The following CSGALNACT1 variants were observed in gnomAD, a reference collection of about 807,000 sequenced individuals.
CSGALNACT1 encodes chondroitin sulfate N-acetylgalactosaminyltransferase 1, also known as beta4GalNAcT-1.
In CSGALNACT1, 52 loss-of-function variants were observed where a neutral mutation model predicts 51.0. The observed-to-expected ratio is 1.02, with a 90% CI of 0.82 to 1.29. The LOEUF (loss-of-function observed/expected upper bound fraction) is 1.29, where lower values mean the gene tolerates loss of function less well. Ranked by LOEUF, CSGALNACT1 falls within the 50% of genes most tolerant of loss-of-function variation. The pLI is 0.00. For missense variants in CSGALNACT1, 935 were observed against 679.2 expected, an observed-to-expected ratio of 1.38 and a Z score of -4.19; for synonymous variants, 341 against 254.4, an observed-to-expected ratio of 1.34 and a Z score of -3.24.
intron 1 of CSGALNACT1, among the ~76,000 whole-genome samples, chr8:19,753,117 C>T (rs2065143332): frequency 6.6e-6 from 1 of 152,212 alleles, no homozygotes; most frequent in Admixed American, 6.5e-5. Context: ...AGGGAGACAC[C>T]ATGGCCTTTG....
chr8:19,505,615 T>C, exon 4 of CSGALNACT1: 1 of 1,614,158 alleles, frequency 6.2e-7, no homozygotes. Context: ...CGCTTCAGGC[T>C]GCTCACGTAG....
chr8:19,650,096 C>T (rs1231164583), intron 1 of CSGALNACT1, among the ~76,000 whole-genome samples: 9 of 152,102 alleles, frequency 5.9e-5, no homozygotes, highest in Admixed American at 2.0e-4. Context: ...CTTGTTAAAA[C>T]GATTCAGTTG....
chr8:19,593,644 T>A (rs563307314), intron 2 of CSGALNACT1, among the ~76,000 whole-genome samples: 1 of 152,208 alleles, frequency 6.6e-6, no homozygotes, highest in Non-Finnish European at 1.5e-5. Flanking sequence ...ATGAATAACA[T>A]CAGGAAGGGT....
At chr8:19,475,795 G>C (rs981305472) in intron 4 of CSGALNACT1, among the ~76,000 whole-genome samples, 2 of 152,192 alleles carry the variant, frequency 1.3e-5, no homozygotes, top group African/African-American at 2.4e-5. Context: ...AAGTCATAGA[G>C]TGACAGCTCA....
At chr8:19,600,621 G>C (rs1435618041) in intron 2 of CSGALNACT1, among the ~76,000 whole-genome samples, 3 of 152,100 alleles carry the variant, frequency 2.0e-5, no homozygotes, top group African/African-American at 4.8e-5. Flanking sequence ...GGATTTGGGA[G>C]GAATTCTCCT....
chr8:19,590,432 G>T (rs1011146876), intron 3 of CSGALNACT1, among the ~76,000 whole-genome samples: 1 of 152,126 alleles, frequency 6.6e-6, no homozygotes, highest in South Asian at 2.1e-4. Context: ...TTTCTGTAAT[G>T]AATGCAATTG....
intron 1 of CSGALNACT1, among the ~76,000 whole-genome samples, chr8:19,711,407 T>A (rs1366063708): frequency 6.6e-6 from 1 of 152,100 alleles, no homozygotes. Context: ...TTTAAGACAA[T>A]TCACTTTGGT....
At chr8:19,533,670 T>C (rs1325852375) in intron 3 of CSGALNACT1, among the ~76,000 whole-genome samples, 2 of 152,184 alleles carry the variant, frequency 1.3e-5, no homozygotes, top group South Asian at 2.1e-4. Flanking sequence ...GAGCAAGGAA[T>C]GGCTCTTCCT....
intron 2 of CSGALNACT1, among the ~76,000 whole-genome samples, chr8:19,597,285 C>CTTTTTTTTTTTTTTTTTTTTTTTT (rs35177349): frequency 1.5e-5 from 1 of 64,564 alleles, no homozygotes; most frequent in African/African-American, 6.9e-5. Flanking sequence ...TATCTTCTTT[C>CTTTTTTTTTTTTTTTTTTTTTTTT]TTTTTTTTTT....
At chr8:19,717,522 G>C (rs1483998288) in intron 1 of CSGALNACT1, among the ~76,000 whole-genome samples, 1 of 152,202 alleles carries the variant, frequency 6.6e-6, no homozygotes, top group Non-Finnish European at 1.5e-5. Context: ...AATGCAATGA[G>C]TCATGTATCT....
Position 19,695,651 on chromosome 8 carries a change from G to A in CSGALNACT1, c.-297+62199C>T, listed in dbSNP as rs112894140. On this transcript the variant is annotated intron_variant, in intron 1 of 1. Coordinates refer to the CSGALNACT1 transcript ENST00000517494. ...TTTAGAGGCTGTACTGCAGATTGGAGTAGAGATTGTGAATTTAAGAGAAAA... is the reference window on the plus strand; with the variant it reads ...TTTAGAGGCTGTACTGCAGATTGGAATAGAGATTGTGAATTTAAGAGAAAA... Among the ~76,000 whole-genome samples the A allele has an allele frequency of 7.9e-5, 12 of 152,304 alleles. 2 individuals are homozygous for A. The highest frequency in any genetic ancestry group is 2.9e-4 in the African/African-American group (12 of 41,560).
chr8:19,489,277 T>A (rs985922937), intron 4 of CSGALNACT1, among the ~76,000 whole-genome samples: 1 of 152,166 alleles, frequency 6.6e-6, no homozygotes, highest in Non-Finnish European at 1.5e-5. Context: ...TAGGGAAGAA[T>A]GAAATAGTCA....
intron 3 of CSGALNACT1, among the ~76,000 whole-genome samples, chr8:19,522,836 C>G (rs529701360): frequency 2.0e-5 from 3 of 152,214 alleles, no homozygotes; most frequent in Non-Finnish European, 4.4e-5. Context: ...GACACATTCC[C>G]AAGGCTCAAA....
chr8:19,528,422 C>T (rs962614336), intron 3 of CSGALNACT1, among the ~76,000 whole-genome samples: 6 of 152,144 alleles, frequency 3.9e-5, no homozygotes, highest in African/African-American at 1.2e-4. Context: ...AACAAGGCCA[C>T]TCCATAATTT....
chr8:19,499,731 G>A (rs559192870), intron 4 of CSGALNACT1, among the ~76,000 whole-genome samples: 4 of 152,228 alleles, frequency 2.6e-5, no homozygotes, highest in Admixed American at 1.3e-4. Flanking sequence ...CCTCCACCTC[G>A]GAGGTAGGAC....
intron 3 of CSGALNACT1, among the ~76,000 whole-genome samples, chr8:19,527,780 G>T (rs1587860625): frequency 6.6e-6 from 1 of 152,246 alleles, no homozygotes; most frequent in Non-Finnish European, 1.5e-5. Flanking sequence ...TCAAATTTGG[G>T]GAGGAGATTA....
At chr8:19,528,207 A>T (rs1431911345) in intron 3 of CSGALNACT1, among the ~76,000 whole-genome samples, 1 of 151,940 alleles carries the variant, frequency 6.6e-6, no homozygotes, top group African/African-American at 2.4e-5. Flanking sequence ...ATGTTCTCCA[A>T]ATTAGCCAAT....
intron 3 of CSGALNACT1, among the ~76,000 whole-genome samples, chr8:19,554,704 G>C (rs2089245098): frequency 6.6e-6 from 1 of 152,034 alleles, no homozygotes; most frequent in Non-Finnish European, 1.5e-5. Flanking sequence ...AATCACCTGA[G>C]GTCAGGAGTT....
intron 1 of CSGALNACT1, among the ~76,000 whole-genome samples, chr8:19,647,379 T>TG (rs1221797100): frequency 2.0e-5 from 3 of 152,202 alleles, no homozygotes; most frequent in African/African-American, 7.2e-5. Flanking sequence ...ATCATGCCAC[T>TG]GCACTCCACC....
Sources: allele counts gnomAD v4.1 joint callset (sites outside exome capture counted in the v4.1 genomes callset), GRCh38; gene constraint gnomAD v4.1.1; transcripts MANE v1.5; gene names NCBI Gene and HGNC (gene_info 2026-07-23, HGNC 2026-07-21).